Variants in SZT2 observed in about 807,000 individuals in gnomAD.
The protein encoded by SZT2 is SZT2 subunit of KICSTOR complex.
A neutral mutation model predicts 404.2 loss-of-function variants in SZT2; 216 were observed. The ratio of observed to expected loss-of-function variants is 0.53; its 90% CI spans 0.48 to 0.60. The LOEUF is 0.60. Among genes scored for constraint, SZT2 ranks in the 20% least tolerant of loss-of-function variants. The probability of loss-of-function intolerance (pLI) is 0.00; values close to 1 mark genes in which losing one functional copy is unlikely to be tolerated. For missense variants in SZT2, 3,857 were observed against 4,459.2 expected, an observed-to-expected ratio of 0.86 and a Z score of 3.85; for synonymous variants, 1,693 against 1,749.9, an observed-to-expected ratio of 0.97 and a Z score of 0.81.
At position 43,438,842 on chromosome 1, in the gene SZT2, A is replaced by G. The variant is rs368950625; in HGVS notation, c.6627+25A>G. The G allele has an allele frequency of 7.8e-5, 125 of 1,611,706 alleles. No individual in the cohort carries two copies. In the Middle Eastern group the frequency reaches 1.3e-3, roughly 17 times the overall value. On this transcript the variant is annotated intron_variant, in intron 47 of 71. Transcript: ENST00000634258. ...GGTCAGCTCCCCTCTAGGCACCAGC[A>G]TCCTTCCCAGACTCAGCCACAGGTT...
chr1:43,401,518 ACT>A (rs1260170838), intron 1 of SZT2, among the ~76,000 whole-genome samples: 1 of 151,382 alleles, frequency 6.6e-6, no homozygotes, highest in Non-Finnish European at 1.5e-5. Context: ...ATGGAGTCTC[ACT>A]CTGTCGCCCA....
intron 1 of SZT2, among the ~76,000 whole-genome samples, chr1:43,390,513 G>A (rs960368774): frequency 5.9e-5 from 9 of 152,204 alleles, no homozygotes; most frequent in African/African-American, 2.2e-4. Context: ...TGCAACCTCA[G>A]GCGAGTCTTC....
In SZT2 at chr1:43,389,972, G is replaced by A. The variant is rs1224742604; in HGVS notation, c.4G>A (p.Ala2Thr). ...GCCGGCGCGGGAGGGCTGTGTGATGGCCTCGGAGCGCCCGGAGCCGGAGGT... is the reference window on the plus strand; with the variant it reads ...GCCGGCGCGGGAGGGCTGTGTGATGACCTCGGAGCGCCCGGAGCCGGAGGT... The part of the protein sequence containing the change: M[A>T]SERPEPEVEE... The change falls in exon 1 of 72, where the codon GCC becomes ACC. Residue 2 changes from alanine (A) to threonine (T), a missense_variant. Ala to Thr is a moderately conservative substitution (Grantham distance 58). Around this residue, in one of 7 missense-constraint regions of SZT2, gnomAD observed 536 missense variants for 637.4 expected, o/e 0.84. Transcript: ENST00000634258. 4 of 1,404,936 alleles carry A rather than the reference G, an allele frequency of 2.8e-6. No homozygotes were observed. The allele number at this position is 1,404,936 out of a possible 1,614,324, so 87.0% of individuals were successfully genotyped here. A position where few individuals can be genotyped will look rare whatever the true frequency, so the allele number is the denominator to read the frequency against.
rs766952942 is a variant in SZT2 at position 43,442,807 on chromosome 1, T to C, written c.8152-12T>C. On this transcript the variant is annotated splice_polypyrimidine_tract_variant and intron_variant, in intron 58 of 71. Transcript: ENST00000634258. This position sits in a 1 kb window ranked among gnomAD's most constrained non-coding sequence, Gnocchi z 4.5. Reference sequence around the variant, plus strand: ...AAAGGCTATGAACCCATTGCAATGCTCCATCTCTCAGGAGCCAAACCCATT... The same window carrying C: ...AAAGGCTATGAACCCATTGCAATGCCCCATCTCTCAGGAGCCAAACCCATT... The C allele has an allele frequency of 1.9e-6, 3 of 1,588,202 alleles. No homozygotes were observed. Among genetic ancestry groups the C allele is most frequent in the South Asian group, 2.3e-5 (2 of 86,012 alleles).
At position 43,448,481 on chromosome 1, in the gene SZT2, G is replaced by C; in HGVS notation, c.9966G>C (p.Gln3322His). Residue 3322 changes from glutamine to histidine, a missense_variant, in exon 69 of 72, where the codon CAG (glutamine) becomes CAC (histidine). Physicochemically the swap from Gln to His is conservative, Grantham distance 24 (BLOSUM62 0). Transcript: ENST00000634258. This position sits in a 1 kb window ranked among gnomAD's most constrained non-coding sequence, Gnocchi z 4.2. ...AATCCATTGGGGACATCGACCCCCA[G>C]CTGGTAAGGAACTGTGGGCTCCCGA... ...HAKSIGDIDP[Q>H]LDCFLSMTVS... The C allele has an allele frequency of 6.2e-7, 1 of 1,609,046 alleles. No homozygotes were observed. The highest frequency in any genetic ancestry group is 8.5e-7 in the Non-Finnish European group (1 of 1,177,568).
At chr1:43,398,822 C>G (rs1229152543) in intron 1 of SZT2, among the ~76,000 whole-genome samples, 1 of 152,162 alleles carries the variant, frequency 6.6e-6, no homozygotes, top group Non-Finnish European at 1.5e-5. Context: ...TGGCTCACGC[C>G]TGTAATCCCA....
chr1:43,448,780 C>T lies in SZT2; in HGVS notation c.10086+52C>T. ...AAGGGAAACACAGCAGAAATCCTCA[C>T]CAAACAGATGTGCCCCTCAGCCTGA... On this transcript the variant is annotated intron_variant, in intron 70 of 71. Transcript: ENST00000634258. The surrounding 1 kb of genome is among the most constrained non-coding windows in gnomAD (Gnocchi z 4.2). 1.3e-6 allele frequency: 2 copies of T among 1,542,732 alleles called. No homozygotes were observed. The highest frequency in any genetic ancestry group is 1.8e-6 in the Non-Finnish European group (2 of 1,115,844).
Position 43,454,210 on chromosome 1 carries a change from G to A in SZT2, c.*3730G>A, listed in dbSNP as rs147648383. Reference sequence around the variant, plus strand: ...TCTGTTCGTTAAGCAACATTTGAAAGCTGTATGACCAAATAAAGAAGCACT... The same window carrying A: ...TCTGTTCGTTAAGCAACATTTGAAAACTGTATGACCAAATAAAGAAGCACT... On this transcript the variant is annotated 3_prime_UTR_variant, in exon 72 of 72. Coordinates refer to ENST00000634258, the MANE Select transcript of SZT2 (RefSeq NM_001365999.1). The A allele has an allele frequency of 6.8e-5, 14 of 206,474 alleles. No individual in the cohort carries two copies. In the East Asian group the frequency reaches 2.1e-3, roughly 31 times the overall value. The allele number at this position is 206,474 out of a possible 1,614,324, so 12.8% of individuals were successfully genotyped here.
chr1:43,391,117 C>T, intron 1 of SZT2, among the ~76,000 whole-genome samples: 1 of 152,170 alleles, frequency 6.6e-6, no homozygotes. Context: ...GAGTTCGAGA[C>T]CAGCCTGACC....
At chr1:43,409,360 T>G (rs1650726152) in intron 4 of SZT2, 1 of 257,238 alleles carries the variant, frequency 3.9e-6, no homozygotes, top group Admixed American at 5.2e-5. Flanking sequence ...GAAGGAGCAT[T>G]CATTAGGGGG....
intron 3 of SZT2, 133 bp from the exon 4 acceptor site, chr1:43,404,247 A>T (rs1650026732): frequency 5.4e-6 from 4 of 745,582 alleles, no homozygotes; most frequent in Non-Finnish European, 8.7e-6. Context: ...AAACTGTTCC[A>T]TGTGTGGCAC....
In SZT2 at chr1:43,425,785, A is replaced by G. The variant is rs1424827235; in HGVS notation, c.2815-50A>G. 1 of 1,598,598 alleles carries G rather than the reference A, an allele frequency of 6.3e-7. No homozygotes were observed. Among genetic ancestry groups the G allele is most frequent in the Admixed American group, 1.7e-5 (1 of 59,890 alleles). On this transcript the variant is annotated intron_variant, in intron 19 of 71. Coordinates refer to ENST00000634258, the MANE Select transcript of SZT2 (RefSeq NM_001365999.1). The surrounding 1 kb of genome is among the most constrained non-coding windows in gnomAD (Gnocchi z 4.3). Reference sequence around the variant, plus strand: ...TTCCTGAAGAGCTGGAACCCAGGGTATCCTGGGCTAAGAGGGGTTGACTCC... The same window carrying G: ...TTCCTGAAGAGCTGGAACCCAGGGTGTCCTGGGCTAAGAGGGGTTGACTCC...
intron 1 of SZT2, among the ~76,000 whole-genome samples, chr1:43,402,445 C>T (rs1419738208): frequency 1.3e-5 from 2 of 152,208 alleles, no homozygotes; most frequent in African/African-American, 4.8e-5. Flanking sequence ...GTGGGCACTG[C>T]TGGCAAGGTG....
In SZT2 at chr1:43,425,019, G is replaced by C; in HGVS notation, c.2551-94G>C. ...TGAGGCTGCAGTCATAGGACAATTT[G>C]GTGAGGGAACTGAAATTCTGAGGGC... On this transcript the variant is annotated intron_variant, in intron 17 of 71. Coordinates refer to ENST00000634258, the MANE Select transcript of SZT2 (RefSeq NM_001365999.1). The surrounding 1 kb of genome is among the most constrained non-coding windows in gnomAD (Gnocchi z 4.3). The C allele has an allele frequency of 3.9e-6, 6 of 1,556,488 alleles. No homozygotes were observed. The South Asian group carries it at 5.7e-5, about 15-fold the overall frequency.
Position 43,422,820 on chromosome 1 carries a change from GGCCCCAT to G in SZT2, c.1977_1983del (p.Pro660TrpfsTer23). 1.3e-6 allele frequency: 2 copies of G among 1,594,326 alleles called. No individual in the cohort carries two copies. The highest frequency in any genetic ancestry group is 2.2e-5 in the East Asian group (1 of 44,748). On this transcript the variant is annotated frameshift_variant, in exon 14 of 72. Transcript: ENST00000634258. LOFTEE classifies it high-confidence loss of function. ...TCTACATGGTCCGTATCATTTCCAA[GGCCCCAT>G]GCATGGTTCTTCGCCTGGGTTTTCC...
intron 70 of SZT2, chr1:43,449,863 G>T: frequency 3.3e-6 from 2 of 599,198 alleles, no homozygotes; most frequent in South Asian, 3.8e-5. Flanking sequence ...CAGGCTCTGT[G>T]TGGGGCCTCC....
Position 43,425,535 on chromosome 1 carries a change from A to C in SZT2, c.2707A>C (p.Asn903His), listed in dbSNP as rs1247181459. ...GGCCCTGGAGGGAGACTCAGAGCTC[A>C]ATCTGGTCACTGAGGTGTGGGTGGA... ...VEALEGDSEL[N>H]LVTEVWVEPQ... The change falls in exon 19 of 72, where the codon AAT becomes CAT. Residue 903 changes from asparagine (N) to histidine (H), a missense_variant. Physicochemically the swap from Asn to His is moderately conservative, Grantham distance 68 (BLOSUM62 1). Around this residue, in one of 7 missense-constraint regions of SZT2, gnomAD observed 1,725 missense variants for 1,881.0 expected, o/e 0.92. Coordinates refer to ENST00000634258, the MANE Select transcript of SZT2 (RefSeq NM_001365999.1). The surrounding 1 kb of genome is among the most constrained non-coding windows in gnomAD (Gnocchi z 4.3). The C allele has an allele frequency of 6.2e-7, 1 of 1,614,034 alleles. No homozygotes were observed. The highest frequency in any genetic ancestry group is 1.3e-5 in the African/African-American group (1 of 74,916).
At position 43,424,546 on chromosome 1, in the gene SZT2, G is replaced by T. The variant is rs970939285; in HGVS notation, c.2471+114G>T. 1 of 1,143,398 alleles carries T rather than the reference G, an allele frequency of 8.7e-7. No individual in the cohort carries two copies. The highest frequency in any genetic ancestry group is 1.2e-6 in the Non-Finnish European group (1 of 802,140). The allele number at this position is 1,143,398 out of a possible 1,614,324, so 70.8% of individuals were successfully genotyped here. A position where few individuals can be genotyped will look rare whatever the true frequency, so the allele number is the denominator to read the frequency against. On this transcript the variant is annotated intron_variant, in intron 16 of 71. Transcript: ENST00000634258. The surrounding 1 kb of genome is among the most constrained non-coding windows in gnomAD (Gnocchi z 4.1). Reference sequence around the variant, plus strand: ...TCTCCTCTCTAATTCCCAGTCTGAAGTATAGAGCAGCATCTGCTACTGCCC... The same window carrying T: ...TCTCCTCTCTAATTCCCAGTCTGAATTATAGAGCAGCATCTGCTACTGCCC...
At position 43,428,512 on chromosome 1, in the gene SZT2, T is replaced by G. The variant is rs1329907231; in HGVS notation, c.4166+26T>G. ...GTTAGGATTATACTTGAATGATGGA[T>G]AAGGGGGTACACAGACCAAGTCCCT... is the stretch of plus-strand genomic sequence containing the variant. On this transcript the variant is annotated intron_variant, in intron 28 of 71. Coordinates refer to ENST00000634258, the MANE Select transcript of SZT2 (RefSeq NM_001365999.1). 3 of 1,607,730 alleles carry G rather than the reference T, an allele frequency of 1.9e-6. No homozygotes were observed. In the Admixed American group the frequency reaches 5.0e-5, roughly 27 times the overall value.
Sources: allele counts gnomAD v4.1 joint callset (sites outside exome capture counted in the v4.1 genomes callset), GRCh38; gene constraint gnomAD v4.1.1; regional missense constraint gnomAD v4.1.1; non-coding constraint Gnocchi (gnomAD v3.1); transcripts MANE v1.5; gene names NCBI Gene and HGNC (gene_info 2026-07-23, HGNC 2026-07-21).